TBX15: variants seen among roughly 807,000 people sequenced by gnomAD.
TBX15 encodes the protein T-box transcription factor TBX15.
A neutral mutation model predicts 53.9 loss-of-function variants in TBX15; 18 were observed. The observed-to-expected ratio is 0.33, with a 90% CI of 0.23 to 0.49. TBX15 has a LOEUF of 0.49. Among genes scored for constraint, TBX15 ranks in the 20% least tolerant of loss-of-function variants. The probability of loss-of-function intolerance (pLI) is 0.98; values close to 1 mark genes in which losing one functional copy is unlikely to be tolerated. For synonymous variants in TBX15, 295 were observed against 278.0 expected (o/e 1.06, Z -0.61); for missense variants, 692 against 749.5 (o/e 0.92, Z 0.90).
Position 118,884,392 on chromosome 1 carries a change from C to G in TBX15, c.*340G>C, listed in dbSNP as rs1653844610. 1 of 361,928 alleles carries G rather than the reference C, an allele frequency of 2.8e-6. No homozygotes were observed. The highest frequency in any genetic ancestry group is 4.3e-5 in the Admixed American group (1 of 23,090). The allele number at this position is 361,928 out of a possible 1,614,324, so 22.4% of individuals were successfully genotyped here. On this transcript the variant is annotated 3_prime_UTR_variant, in exon 8 of 8. Coordinates refer to ENST00000369429, the MANE Select transcript of TBX15 (RefSeq NM_001330677.2). ...TCTGTATGTGGGTGTGTATGTGTAA[C>G]TTTTCATGGCTGCCACACACTAGCA...
At chr1:118,913,123 A>G (rs1186325898) in intron 6 of TBX15, among the ~76,000 whole-genome samples, 1 of 152,206 alleles carries the variant, frequency 6.6e-6, no homozygotes, top group East Asian at 1.9e-4. Flanking sequence ...ATTTCACAAA[A>G]TGGTTTGAAA....
chr1:118,955,979 C>T (rs1274091088), intron 1 of TBX15, among the ~76,000 whole-genome samples: 1 of 152,142 alleles, frequency 6.6e-6, no homozygotes, highest in African/African-American at 2.4e-5. Flanking sequence ...CATCCATAAT[C>T]TCCTTGAAGA....
chr1:118,901,857 C>T (rs573066752), intron 6 of TBX15, among the ~76,000 whole-genome samples: 3 of 152,142 alleles, frequency 2.0e-5, no homozygotes, highest in Admixed American at 6.5e-5. Flanking sequence ...AGCAGGGAGA[C>T]CTTCCTTAGC....
intron 1 of TBX15, among the ~76,000 whole-genome samples, chr1:118,958,171 G>C (rs1180937732): frequency 6.6e-6 from 1 of 152,164 alleles, no homozygotes; most frequent in African/African-American, 2.4e-5. Flanking sequence ...GAGGTAATTA[G>C]GATTAGATGA....
intron 1 of TBX15, among the ~76,000 whole-genome samples, chr1:118,971,699 T>A (rs1657240654): frequency 6.6e-6 from 1 of 152,184 alleles, no homozygotes; most frequent in South Asian, 2.1e-4. Flanking sequence ...CCAAAACAAT[T>A]GTGTGAGTGT....
intron 6 of TBX15, among the ~76,000 whole-genome samples, chr1:118,902,402 T>A (rs1654662035): frequency 6.6e-6 from 1 of 152,188 alleles, no homozygotes; most frequent in Non-Finnish European, 1.5e-5. Flanking sequence ...TGTTCTTCTA[T>A]GCCCAGTTTT....
chr1:118,893,053 G>A (rs1421531829), intron 7 of TBX15, among the ~76,000 whole-genome samples: 2 of 151,768 alleles, frequency 1.3e-5, no homozygotes, highest in African/African-American at 2.4e-5. Flanking sequence ...AGCATGGCCA[G>A]CATGGTGAAA....
chr1:118,889,736 T>C (rs967523991), intron 7 of TBX15, among the ~76,000 whole-genome samples: 2 of 152,068 alleles, frequency 1.3e-5, no homozygotes, highest in Admixed American at 6.5e-5. Flanking sequence ...TTTTGAGAAA[T>C]AGGTAAGATA....
intron 7 of TBX15, among the ~76,000 whole-genome samples, chr1:118,897,645 TA>T (rs1223023664): frequency 5.3e-5 from 8 of 152,176 alleles, no homozygotes; most frequent in African/African-American, 1.9e-4. Flanking sequence ...GGAATAGAAG[TA>T]AATTGCCTCA....
At chr1:118,973,978 T>C (rs1226821803) in intron 1 of TBX15, among the ~76,000 whole-genome samples, 1 of 152,182 alleles carries the variant, frequency 6.6e-6, no homozygotes, top group Admixed American at 6.5e-5. Flanking sequence ...GATCTAATGT[T>C]CCCAGGATTA....
chr1:118,987,718 T>A lies in TBX15; in HGVS notation c.78A>T (p.Ser26=). 7 of 1,550,438 alleles carry A rather than the reference T, an allele frequency of 4.5e-6. No individual in the cohort carries two copies. The highest frequency in any genetic ancestry group is 6.1e-6 in the Non-Finnish European group (7 of 1,146,864). The change falls in exon 1 of 8, where the codon TCA becomes TCT. Residue 26 remains serine (S), a synonymous_variant. Transcript: ENST00000369429. ...AGTCTCGCAGTTTCCGTTTTTTATT[T>A]GAGCCGATCAAGGCTTCAACGGAGA... ...HAFSVEALIG[S]NKKRKLRDWE...
At chr1:118,964,569 C>A (rs903468520) in intron 1 of TBX15, among the ~76,000 whole-genome samples, 31 of 152,262 alleles carry the variant, frequency 2.0e-4, no homozygotes, top group African/African-American at 7.5e-4. Context: ...ACTCAATTAT[C>A]CTTTCTGCCT....
At chr1:118,937,085 G>C (rs1216526127) in intron 1 of TBX15, among the ~76,000 whole-genome samples, 1 of 152,140 alleles carries the variant, frequency 6.6e-6, no homozygotes, top group Non-Finnish European at 1.5e-5. Context: ...GGATTGAGAA[G>C]ACTTTATGAG....
At chr1:118,974,258 A>T (rs1017531966) in intron 1 of TBX15, among the ~76,000 whole-genome samples, 2 of 152,314 alleles carry the variant, frequency 1.3e-5, no homozygotes, top group Non-Finnish European at 2.9e-5. Flanking sequence ...AAATCCCATC[A>T]ATCAGTTGCC....
At chr1:118,950,258 T>G (rs1656474004) in intron 1 of TBX15, among the ~76,000 whole-genome samples, 2 of 152,204 alleles carry the variant, frequency 1.3e-5, no homozygotes, top group African/African-American at 4.8e-5. Context: ...AGGAGAGACT[T>G]CTCTGCTGCT....
rs559691460 is a variant in TBX15, at chr1:118,892,223, C to T, written c.1025-6707G>A. 2.0e-5 allele frequency among the ~76,000 whole-genome samples: 3 copies of T among 152,270 alleles called. No homozygotes were observed. In the South Asian group the frequency reaches 6.2e-4, roughly 32 times the overall value. On this transcript the variant is annotated intron_variant, in intron 7 of 7. Transcript: ENST00000369429. ...ACATAATCTCTTAAATGGTTGCTGGCCTCATTCTGATCAATAAGAACAGGC... is the reference window on the plus strand; with the variant it reads ...ACATAATCTCTTAAATGGTTGCTGGTCTCATTCTGATCAATAAGAACAGGC...
chr1:118,925,368 A>C (rs1655559594), intron 3 of TBX15, among the ~76,000 whole-genome samples: 1 of 152,198 alleles, frequency 6.6e-6, no homozygotes, highest in African/African-American at 2.4e-5. Flanking sequence ...CTGGACTTTG[A>C]GGCATTTCTA....
At chr1:118,911,358 G>C (rs1288502449) in intron 6 of TBX15, among the ~76,000 whole-genome samples, 1 of 152,132 alleles carries the variant, frequency 6.6e-6, no homozygotes, top group Non-Finnish European at 1.5e-5. Flanking sequence ...TATCAGAAAA[G>C]AATAAATAAA....
intron 7 of TBX15, among the ~76,000 whole-genome samples, chr1:118,893,166 G>A (rs1654211774): frequency 6.6e-6 from 1 of 151,548 alleles, no homozygotes; most frequent in South Asian, 2.1e-4. Flanking sequence ...TTGAACCCAG[G>A]AGGCAGAGGT....
Sources: allele counts gnomAD v4.1 joint callset (sites outside exome capture counted in the v4.1 genomes callset), GRCh38; gene constraint gnomAD v4.1.1; transcripts MANE v1.5; gene names NCBI Gene and HGNC (gene_info 2026-07-23, HGNC 2026-07-21).